Variants in PDE1A observed in about 807,000 individuals in gnomAD.
PDE1A encodes the protein dual specificity calcium/calmodulin-dependent 3',5'-cyclic nucleotide phosphodiesterase 1A.
A neutral mutation model predicts 61.7 loss-of-function variants in PDE1A; 35 were observed. The ratio of observed to expected loss-of-function variants is 0.57; its 90% CI spans 0.43 to 0.75. PDE1A has a LOEUF of 0.75. Ranked by LOEUF, PDE1A falls within the 30% of genes least tolerant of loss-of-function variation. The pLI is 0.00. For missense variants in PDE1A, 597 were observed against 630.6 expected (o/e 0.95, Z 0.57); for synonymous variants, 232 against 213.2 (o/e 1.09, Z -0.77).
chr2:182,510,149 T>A (rs2125945671), intron 2 of PDE1A, among the ~76,000 whole-genome samples: 1 of 152,240 alleles, frequency 6.6e-6, no homozygotes, highest in South Asian at 2.1e-4. Flanking sequence ...TCCACGTTTT[T>A]AAATATTTTA....
chr2:182,418,642 C>T (rs924773031), intron 1 of PDE1A, among the ~76,000 whole-genome samples: 7 of 152,192 alleles, frequency 4.6e-5, no homozygotes, highest in African/African-American at 1.7e-4. Context: ...GCAGAATAAT[C>T]GCATTAACTG....
the PDE1A span, among the ~76,000 whole-genome samples, chr2:182,634,102 A>G: frequency 6.6e-6 from 1 of 152,044 alleles, no homozygotes; most frequent in Non-Finnish European, 1.5e-5. Context: ...AAAACAAGAA[A>G]AAAAAAAAGA....
At chr2:182,654,238 C>T in the PDE1A span, among the ~76,000 whole-genome samples, 1 of 152,244 alleles carries the variant, frequency 6.6e-6, no homozygotes, top group African/African-American at 2.4e-5. Context: ...GTTGCACCCA[C>T]CACTTGGTTA....
At chr2:182,386,063 C>T (rs1368789555) in intron 1 of PDE1A, among the ~76,000 whole-genome samples, 2 of 152,190 alleles carry the variant, frequency 1.3e-5, no homozygotes, top group African/African-American at 4.8e-5. Context: ...CTGTGTTGGC[C>T]GGGCTGGTCC....
At chr2:182,258,445 T>G (rs1288776959) in intron 2 of PDE1A, among the ~76,000 whole-genome samples, 1 of 152,216 alleles carries the variant, frequency 6.6e-6, no homozygotes, top group Non-Finnish European at 1.5e-5. Context: ...AAACATTCAC[T>G]GACCATTCTC....
At chr2:182,274,154 C>T (rs1693238597) in intron 1 of PDE1A, among the ~76,000 whole-genome samples, 1 of 151,974 alleles carries the variant, frequency 6.6e-6, no homozygotes, top group Non-Finnish European at 1.5e-5. Flanking sequence ...GATCTAATCA[C>T]CTCCCAAAGG....
intron 1 of PDE1A, among the ~76,000 whole-genome samples, chr2:182,418,256 G>A (rs987095425): frequency 3.3e-5 from 5 of 152,164 alleles, no homozygotes; most frequent in African/African-American, 4.8e-5. Context: ...CGGCTAGCAT[G>A]ACACTTGGTA....
chr2:182,176,901 G>T (rs1692857290), intron 13 of PDE1A, among the ~76,000 whole-genome samples: 1 of 149,754 alleles, frequency 6.7e-6, no homozygotes, highest in East Asian at 2.0e-4. Flanking sequence ...ATGAAGAGTT[G>T]TTGAATTTTG....
intron 1 of PDE1A, among the ~76,000 whole-genome samples, chr2:182,297,910 CATT>C (rs2125908886): frequency 6.6e-6 from 1 of 152,320 alleles, no homozygotes; most frequent in African/African-American, 2.4e-5. Context: ...CTAAAGAACA[CATT>C]ATTTCCTCTA....
chr2:182,459,358 A>G (rs1187808444), intron 2 of PDE1A, among the ~76,000 whole-genome samples: 1 of 152,118 alleles, frequency 6.6e-6, no homozygotes, highest in African/African-American at 2.4e-5. Context: ...CCTCCAGTGC[A>G]TATTGAGAGG....
chr2:182,326,060 T>C (rs531004442), intron 1 of PDE1A, among the ~76,000 whole-genome samples: 1 of 152,044 alleles, frequency 6.6e-6, no homozygotes, highest in South Asian at 2.1e-4. Context: ...ACTAGGAAAA[T>C]GCAAATCAAA....
downstream of PDE1A, among the ~76,000 whole-genome samples, chr2:182,145,031 G>A (rs1254075706): frequency 6.6e-6 from 1 of 152,078 alleles, no homozygotes; most frequent in African/African-American, 2.4e-5. Flanking sequence ...GTTGCCAATC[G>A]TCACCCCTCC....
At chr2:182,714,976 G>A in the PDE1A span, among the ~76,000 whole-genome samples, 1 of 152,112 alleles carries the variant, frequency 6.6e-6, no homozygotes, top group Admixed American at 6.6e-5. Flanking sequence ...TACAATCTCA[G>A]TCTCTTTTTT....
Position 182,237,709 on chromosome 2 carries a change from A to G in PDE1A, c.350+2401T>C, listed in dbSNP as rs140984276. Among the ~76,000 whole-genome samples, 850 of 152,294 alleles carry G rather than the reference A, an allele frequency of 5.6e-3. 9 individuals are homozygous for G. Among genetic ancestry groups the G allele is most frequent in the South Asian group, 0.04 (195 of 4,824 alleles). On this transcript the variant is annotated intron_variant, in intron 3 of 13. Coordinates refer to ENST00000351439, the Ensembl canonical transcript of PDE1A. ...GGGCAGCAATAGTGAGGAACAGCAT[A>G]GAGTGATCCGGGAAGACCTCTGGAA...
At chr2:182,305,791 TAA>T (rs1445399596) in intron 1 of PDE1A, among the ~76,000 whole-genome samples, 1 of 152,014 alleles carries the variant, frequency 6.6e-6, no homozygotes, top group African/African-American at 2.4e-5. Context: ...ATTTATGAGG[TAA>T]AAGTGATATT....
At chr2:182,609,390 T>G in the PDE1A span, among the ~76,000 whole-genome samples, 1 of 152,326 alleles carries the variant, frequency 6.6e-6, no homozygotes, top group East Asian at 1.9e-4. Context: ...TAGAGTCCTT[T>G]TCTGCATTGT....
At chr2:182,191,533 T>C (rs902060613) in intron 10 of PDE1A, among the ~76,000 whole-genome samples, 1 of 152,124 alleles carries the variant, frequency 6.6e-6, no homozygotes, top group Non-Finnish European at 1.5e-5. Context: ...GTTAGGTTGG[T>C]GCAAAAGTAA....
intron 1 of PDE1A, among the ~76,000 whole-genome samples, chr2:182,283,561 G>GT (rs1574246954): frequency 1.3e-5 from 2 of 151,744 alleles, no homozygotes. Flanking sequence ...ACTGTTATGA[G>GT]TTTTTTTAAA....
chr2:182,687,952 A>G, the PDE1A span, among the ~76,000 whole-genome samples: 1 of 152,226 alleles, frequency 6.6e-6, no homozygotes, highest in African/African-American at 2.4e-5. Context: ...AATGAATGAA[A>G]TGAAGTGAGA....
Sources: gnomAD v4.1 joint callset for allele counts (sites outside exome capture counted in the v4.1 genomes callset) on GRCh38, gnomAD v4.1.1 for gene constraint, MANE v1.5 for transcripts, NCBI Gene and HGNC (gene_info 2026-07-23, HGNC 2026-07-21) for gene names.